CDC42BPA: variants seen among roughly 807,000 people sequenced by gnomAD.
CDC42BPA encodes serine/threonine-protein kinase MRCK alpha.
In CDC42BPA, 80 loss-of-function variants were observed where a neutral mutation model predicts 223.5. The observed-to-expected ratio is 0.36, with a 90% CI of 0.30 to 0.43. CDC42BPA has a LOEUF of 0.43. Among genes scored for constraint, CDC42BPA ranks in the 20% least tolerant of loss-of-function variants. CDC42BPA has a pLI of 1.00. For missense variants in CDC42BPA, 1,743 were observed against 2,099.9 expected (o/e 0.83, Z 3.32); for synonymous variants, 694 against 718.6 (o/e 0.97, Z 0.55).
chr1:227,210,938 T>C (rs1023813999), intron 3 of CDC42BPA, among the ~76,000 whole-genome samples: 1 of 152,128 alleles, frequency 6.6e-6, no homozygotes, highest in African/African-American at 2.4e-5. Context: ...TGTAGGACAC[T>C]TCTCAAGAGC....
In CDC42BPA at chr1:226,992,571, C is replaced by T. The variant is rs970437486; in HGVS notation, c.*1697G>A. On this transcript the variant is annotated 3_prime_UTR_variant, in exon 37 of 37. Transcript: ENST00000366766. Reference sequence around the variant, plus strand: ...AGTGACACAGACGTGGAGTCACAGACAGCAGCAGTGAAATGATGGCCTTAA... The same window carrying T: ...AGTGACACAGACGTGGAGTCACAGATAGCAGCAGTGAAATGATGGCCTTAA... 6.6e-6 allele frequency: 1 copy of T among 152,258 alleles called. No homozygotes were observed. Among genetic ancestry groups the T allele is most frequent in the Non-Finnish European group, 1.5e-5 (1 of 68,052 alleles). 9.4% of individuals were successfully genotyped at this position (152,258 alleles called of 1,614,324 possible).
chr1:227,015,099 GC>G (rs1203070408), intron 34 of CDC42BPA, among the ~76,000 whole-genome samples: 6 of 151,882 alleles, frequency 4.0e-5, no homozygotes, highest in African/African-American at 1.5e-4. Context: ...AGGACTACAG[GC>G]ACACATTACC....
intron 1 of CDC42BPA, among the ~76,000 whole-genome samples, chr1:227,272,969 A>G (rs942822468): frequency 4.6e-5 from 7 of 152,218 alleles, no homozygotes; most frequent in South Asian, 2.1e-4. Flanking sequence ...TATTGGCAAG[A>G]TAAGTATTTT....
At chr1:227,040,318 C>A (rs1250024751) in intron 23 of CDC42BPA, 82 bp from the exon 24 acceptor site, 34 of 766,776 alleles carry the variant, frequency 4.4e-5, no homozygotes, top group Non-Finnish European at 7.4e-5. Context: ...ATACCACTTT[C>A]TAGAATGTTT....
chr1:227,046,116 C>T (rs1233736417), intron 23 of CDC42BPA, among the ~76,000 whole-genome samples: 1 of 150,544 alleles, frequency 6.6e-6, no homozygotes, highest in Non-Finnish European at 1.5e-5. Flanking sequence ...GATCTTTTTC[C>T]TTTGTTAGAT....
chr1:227,158,686 C>T (rs1341102029), intron 6 of CDC42BPA, among the ~76,000 whole-genome samples: 1 of 152,112 alleles, frequency 6.6e-6, no homozygotes, highest in African/African-American at 2.4e-5. Context: ...GCTGGCTCTC[C>T]AGGGATGAAA....
chr1:227,288,588 G>C (rs759293062), intron 1 of CDC42BPA, among the ~76,000 whole-genome samples: 3 of 151,832 alleles, frequency 2.0e-5, no homozygotes, highest in African/African-American at 7.3e-5. Context: ...CCCAGCTATT[G>C]GGGAGGCTGA....
At chr1:227,223,480 G>A (rs535802233) in intron 2 of CDC42BPA, among the ~76,000 whole-genome samples, 1 of 152,320 alleles carries the variant, frequency 6.6e-6, no homozygotes, top group South Asian at 2.1e-4. Context: ...GCTCTGTGGA[G>A]AATGGTTTTA....
At chr1:227,088,795 G>A (rs964408594) in intron 16 of CDC42BPA, among the ~76,000 whole-genome samples, 9 of 151,962 alleles carry the variant, frequency 5.9e-5, no homozygotes, top group African/African-American at 2.2e-4. Context: ...GTGCGATCTC[G>A]GCTCACTGCT....
chr1:227,081,935 G>A (rs1172631890), intron 16 of CDC42BPA, among the ~76,000 whole-genome samples: 1 of 152,082 alleles, frequency 6.6e-6, no homozygotes, highest in Non-Finnish European at 1.5e-5. Flanking sequence ...CACATAAATA[G>A]TAATAGTTCA....
intron 2 of CDC42BPA, among the ~76,000 whole-genome samples, chr1:227,250,567 C>T (rs958066254): frequency 2.6e-5 from 4 of 151,744 alleles, no homozygotes; most frequent in Admixed American, 2.6e-4. Flanking sequence ...TGTTTTGTAC[C>T]CTAAAAAAAT....
chr1:227,005,417 T>C (rs985624493), intron 34 of CDC42BPA, among the ~76,000 whole-genome samples: 3 of 152,250 alleles, frequency 2.0e-5, no homozygotes, highest in African/African-American at 4.8e-5. Flanking sequence ...TGACAGTGAA[T>C]TGTAGAATTA....
In CDC42BPA at chr1:227,291,640, A is replaced by G. The variant is rs192137691; in HGVS notation, c.178+25365T>C. 3.6e-3 allele frequency among the ~76,000 whole-genome samples: 547 copies of G among 152,274 alleles called. 4 individuals carry two copies. The highest frequency in any genetic ancestry group is 6.1e-3 in the Non-Finnish European group (415 of 68,012). On this transcript the variant is annotated intron_variant, in intron 1 of 36. Transcript: ENST00000366766. ...AAGACTTTGGATATTTGATAATACT[A>G]TAGAGCCACTAAACCAAGAAGTCTA...
chr1:227,122,578 C>T (rs1165987998), intron 11 of CDC42BPA, among the ~76,000 whole-genome samples: 2 of 152,168 alleles, frequency 1.3e-5, no homozygotes, highest in Admixed American at 6.5e-5. Context: ...TCAAATTTCC[C>T]TGTTTTATAC....
intron 1 of CDC42BPA, among the ~76,000 whole-genome samples, chr1:227,305,492 CAG>C (rs1213733199): frequency 6.6e-6 from 1 of 152,176 alleles, no homozygotes; most frequent in East Asian, 1.9e-4. Flanking sequence ...TTCTTGCTGT[CAG>C]AGAAGTCTCT....
At chr1:227,243,230 C>T (rs1680304848) in intron 2 of CDC42BPA, among the ~76,000 whole-genome samples, 1 of 147,480 alleles carries the variant, frequency 6.8e-6, no homozygotes, top group South Asian at 2.1e-4. Context: ...GGGTACTGAG[C>T]TTAATAGGGC....
intron 23 of CDC42BPA, among the ~76,000 whole-genome samples, chr1:227,044,194 A>C (rs74184040): frequency 0.13 from 19,646 of 152,130 alleles, 1,347 homozygotes; most frequent in East Asian, 0.27. Flanking sequence ...TGGGATTTCT[A>C]GTCTTTTTCA....
intron 12 of CDC42BPA, 63 bp from the exon 13 acceptor site, chr1:227,112,976 T>C: frequency 2.0e-6 from 3 of 1,538,450 alleles, no homozygotes; most frequent in Non-Finnish European, 1.8e-6. Context: ...AATTTGGCCA[T>C]CAGAATAGCT....
intron 5 of CDC42BPA, among the ~76,000 whole-genome samples, chr1:227,171,834 T>C (rs891325784): frequency 4.6e-5 from 7 of 152,164 alleles, no homozygotes; most frequent in African/African-American, 1.7e-4. Context: ...TAATTGCATG[T>C]ACCTTGGCCC....
Sources: gnomAD v4.1 joint callset for allele counts (sites outside exome capture counted in the v4.1 genomes callset) on GRCh38, gnomAD v4.1.1 for gene constraint, MANE v1.5 for transcripts, NCBI Gene and HGNC (gene_info 2026-07-23, HGNC 2026-07-21) for gene names.